DOCK4: variants seen among roughly 807,000 people sequenced by gnomAD.
DOCK4 encodes the protein dedicator of cytokinesis protein 4.
Under a neutral mutation model 268.1 loss-of-function variants are expected in DOCK4, and 97 were observed. The observed-to-expected ratio is 0.36, with a 90% CI of 0.31 to 0.43. The LOEUF is 0.43. Among genes scored for constraint, DOCK4 ranks in the 20% least tolerant of loss-of-function variants. The pLI is 1.00. For synonymous variants in DOCK4, 954 were observed against 887.2 expected (o/e 1.08, Z -1.34); for missense variants, 2,145 against 2,455.7 (o/e 0.87, Z 2.67).
intron 1 of DOCK4, among the ~76,000 whole-genome samples, chr7:112,165,564 G>A (rs796695336): frequency 3.3e-4 from 48 of 145,576 alleles, no homozygotes; most frequent in African/African-American, 1.2e-3. Context: ...GTGTGTGCGT[G>A]TGTGTGTGTA....
chr7:111,933,127 T>C (rs529286520), intron 12 of DOCK4, among the ~76,000 whole-genome samples: 41 of 135,616 alleles, frequency 3.0e-4, no homozygotes, highest in Admixed American at 2.2e-3. Context: ...CACATATATA[T>C]ACGTATATAC....
intron 21 of DOCK4, 103 bp from the exon 22 acceptor site, chr7:111,868,257 T>G: frequency 1.1e-6 from 1 of 914,252 alleles, no homozygotes; most frequent in Non-Finnish European, 1.6e-6. Context: ...AACTTTTACA[T>G]TATTCATGTA....
At chr7:112,137,599 T>C (rs1383958505) in intron 1 of DOCK4, among the ~76,000 whole-genome samples, 5 of 152,222 alleles carry the variant, frequency 3.3e-5, no homozygotes, top group African/African-American at 1.2e-4. Context: ...GCAAATAAAA[T>C]AATGACTCAT....
At chr7:112,141,482 C>G (rs1357947367) in intron 1 of DOCK4, among the ~76,000 whole-genome samples, 1 of 152,144 alleles carries the variant, frequency 6.6e-6, no homozygotes, top group Admixed American at 6.5e-5. Context: ...TGGGCCTCAT[C>G]CAATCAGTTG....
At position 111,827,940 on chromosome 7, in the gene DOCK4, G is replaced by A. The variant is rs187283221; in HGVS notation, c.2836-5484C>T. ...TATAGGAGACAATGCAGTTATAATC[G>A]TGCTGTACTTAACTTCCAGCTCATG... On this transcript the variant is annotated intron_variant, in intron 26 of 52. Coordinates refer to ENST00000428084, the MANE Select transcript of DOCK4 (RefSeq NM_001363540.2). 5.7e-4 allele frequency among the ~76,000 whole-genome samples: 87 copies of A among 152,206 alleles called. 2 individuals are homozygous for A. In the East Asian group the frequency reaches 0.01, roughly 18 times the overall value.
At chr7:111,940,045 G>A (rs1159031529) in intron 11 of DOCK4, 65 bp downstream of exon 11, 6 of 1,546,316 alleles carry the variant, frequency 3.9e-6, no homozygotes, top group African/African-American at 1.4e-5. Context: ...AGTAGCATTC[G>A]CCCAAGTAGG....
intron 22 of DOCK4, among the ~76,000 whole-genome samples, chr7:111,866,991 G>A (rs1474843290): frequency 1.3e-5 from 2 of 152,196 alleles, no homozygotes; most frequent in African/African-American, 2.4e-5. Flanking sequence ...TTCCCATAGT[G>A]CAGTGATTGT....
At chr7:112,045,326 C>T (rs145800534) in intron 1 of DOCK4, among the ~76,000 whole-genome samples, 247 of 152,264 alleles carry the variant, frequency 1.6e-3, no homozygotes, top group African/African-American at 5.3e-3. Flanking sequence ...TGTAAAAAGG[C>T]AACACCCTTC....
intron 26 of DOCK4, among the ~76,000 whole-genome samples, chr7:111,824,040 T>C (rs1802213848): frequency 6.6e-6 from 1 of 152,230 alleles, no homozygotes; most frequent in Non-Finnish European, 1.5e-5. Flanking sequence ...GTATGCGCCA[T>C]GTGGAAACAT....
At chr7:112,128,361 C>T (rs1027177783) in intron 1 of DOCK4, among the ~76,000 whole-genome samples, 1 of 151,988 alleles carries the variant, frequency 6.6e-6, no homozygotes, top group African/African-American at 2.4e-5. Flanking sequence ...TGCCCGGCCG[C>T]CCCTACTGGG....
At chr7:111,992,451 C>A (rs567319167) in intron 5 of DOCK4, among the ~76,000 whole-genome samples, 1 of 152,272 alleles carries the variant, frequency 6.6e-6, no homozygotes, top group East Asian at 1.9e-4. Flanking sequence ...AAATCTAATA[C>A]CTCTGAGTTA....
chr7:112,090,145 A>G (rs1809487934), intron 1 of DOCK4, among the ~76,000 whole-genome samples: 1 of 152,216 alleles, frequency 6.6e-6, no homozygotes, highest in South Asian at 2.1e-4. Context: ...GCATGAATCA[A>G]TCACACAAAT....
chr7:112,003,437 T>A (rs1223805400), intron 2 of DOCK4, among the ~76,000 whole-genome samples: 1 of 152,158 alleles, frequency 6.6e-6, no homozygotes, highest in Non-Finnish European at 1.5e-5. Flanking sequence ...AGAAATCTTT[T>A]TAAGGACTAG....
rs769515333 is a variant in DOCK4, at chr7:112,206,358, C to T, written c.-220G>A. Reference sequence around the variant, plus strand: ...GCGGCGGCTGCTCACAGTCCTCCGACGCGCTCCCGGGTACCCGGCGGCGCA... The same window carrying T: ...GCGGCGGCTGCTCACAGTCCTCCGATGCGCTCCCGGGTACCCGGCGGCGCA... On this transcript the variant is annotated 5_prime_UTR_variant, in exon 1 of 53. Coordinates refer to ENST00000428084, the MANE Select transcript of DOCK4 (RefSeq NM_001363540.2). 1.0e-5 allele frequency: 6 copies of T among 589,812 alleles called. No individual in the cohort carries two copies. Among genetic ancestry groups the T allele is most frequent in the South Asian group, 4.1e-5 (2 of 48,840 alleles). The allele number at this position is 589,812 out of a possible 1,614,324, so 36.5% of individuals were successfully genotyped here.
chr7:112,053,250 A>T (rs1805524700), intron 1 of DOCK4, among the ~76,000 whole-genome samples: 1 of 152,184 alleles, frequency 6.6e-6, no homozygotes. Context: ...TCCTCAGATC[A>T]GGTTCAAGGA....
intron 26 of DOCK4, among the ~76,000 whole-genome samples, chr7:111,823,280 C>T (rs1380687713): frequency 1.4e-5 from 2 of 145,422 alleles, no homozygotes; most frequent in Non-Finnish European, 3.0e-5. Context: ...GATCTCGGCT[C>T]ACTGCAACCT....
intron 8 of DOCK4, among the ~76,000 whole-genome samples, chr7:111,970,434 A>T (rs1797619244): frequency 2.0e-5 from 3 of 152,200 alleles, no homozygotes; most frequent in African/African-American, 2.4e-5. Context: ...AATATTTCTT[A>T]AAGAGCTTAG....
chr7:111,765,182 T>C lies in DOCK4; in HGVS notation c.3956A>G (p.Gln1319Arg). The C allele has an allele frequency of 6.4e-7, 1 of 1,556,388 alleles. No individual in the cohort carries two copies. The highest frequency in any genetic ancestry group is 8.7e-7 in the Non-Finnish European group (1 of 1,153,154). The change falls in exon 39 of 53, where the codon CAA becomes CGA. Residue 1319 changes from glutamine to arginine, a missense_variant. Around this residue, in one of 2 missense-constraint regions of DOCK4, gnomAD observed 1,598 missense variants for 1,986.7 expected, o/e 0.80. Coordinates refer to ENST00000428084, the MANE Select transcript of DOCK4 (RefSeq NM_001363540.2). ...ASLYDKIMDQ[Q>R]RLEPEFFRVG... is the part of the protein sequence containing the mutation. ...TCTGAAGAACTCTGGTTCAAGACGT[T>C]GCTGGTCCATAATTTTGTCATACAA...
intron 30 of DOCK4, among the ~76,000 whole-genome samples, chr7:111,793,328 G>T (rs1799679655): frequency 6.6e-6 from 1 of 152,172 alleles, no homozygotes; most frequent in Non-Finnish European, 1.5e-5. Flanking sequence ...GGTATCTTCT[G>T]TCTCTATACA....
Sources: allele counts gnomAD v4.1 joint callset (sites outside exome capture counted in the v4.1 genomes callset), GRCh38; gene constraint gnomAD v4.1.1; regional missense constraint gnomAD v4.1.1; transcripts MANE v1.5; gene names NCBI Gene and HGNC (gene_info 2026-07-23, HGNC 2026-07-21).